The following ARMH3 variants were observed in gnomAD, a reference collection of about 807,000 sequenced individuals.
ARMH3 encodes the protein armadillo-like helical domain-containing protein 3.
ARMH3 carries 60 observed loss-of-function variants against 99.1 expected under a neutral mutation model. The observed-to-expected ratio is 0.61, with a 90% CI of 0.49 to 0.75. The LOEUF (loss-of-function observed/expected upper bound fraction) is 0.75, where lower values mean the gene tolerates loss of function less well. ARMH3 is among the 30% of genes least tolerant of loss of function. The pLI is 0.00. For synonymous variants in ARMH3, 285 were observed against 292.8 expected, an observed-to-expected ratio of 0.97 and a Z score of 0.27; for missense variants, 679 against 843.1, an observed-to-expected ratio of 0.81 and a Z score of 2.41.
intron 22 of ARMH3, among the ~76,000 whole-genome samples, chr10:101,954,664 A>G (rs777591671): frequency 1.3e-5 from 2 of 152,224 alleles, no homozygotes; most frequent in Non-Finnish European, 2.9e-5. Context: ...TTTTTGCCAT[A>G]TATGTAAATT....
chr10:101,934,674 T>C (rs1202111477), intron 23 of ARMH3, among the ~76,000 whole-genome samples: 3 of 152,208 alleles, frequency 2.0e-5, no homozygotes, highest in African/African-American at 7.2e-5. Context: ...AACTCGGTCC[T>C]AATAAAATGC....
chr10:102,054,002 C>A (rs1275882156), intron 1 of ARMH3, among the ~76,000 whole-genome samples: 1 of 152,128 alleles, frequency 6.6e-6, no homozygotes, highest in Non-Finnish European at 1.5e-5. Flanking sequence ...GCCATTTTCC[C>A]CAAATGTTAC....
At chr10:101,967,629 C>T (rs575985034) in intron 20 of ARMH3, among the ~76,000 whole-genome samples, 5 of 152,124 alleles carry the variant, frequency 3.3e-5, no homozygotes, top group Admixed American at 2.0e-4. Flanking sequence ...CCCAGCTACT[C>T]GGGAGGCTGA....
At chr10:101,918,011 G>A (rs557028255) in intron 23 of ARMH3, among the ~76,000 whole-genome samples, 1 of 152,164 alleles carries the variant, frequency 6.6e-6, no homozygotes, top group African/African-American at 2.4e-5. Context: ...TTTCAATTGA[G>A]CCAAGAATCT....
intron 23 of ARMH3, among the ~76,000 whole-genome samples, chr10:101,911,988 G>A (rs766230828): frequency 2.0e-4 from 31 of 151,998 alleles, no homozygotes; most frequent in African/African-American, 2.9e-4. Context: ...AGCTGAGATC[G>A]TGTATCTGCA....
At position 101,975,320 on chromosome 10, in the gene ARMH3, AAATG is replaced by A; in HGVS notation, c.1407-24_1407-21del. The A allele has an allele frequency of 6.3e-7, 1 of 1,595,368 alleles. No individual in the cohort carries two copies. The highest frequency in any genetic ancestry group is 2.2e-5 in the East Asian group (1 of 44,652). Reference sequence around the variant, plus strand: ...CAGCGTCTGTAACAGGGAAAGCAAAAAATGAGGGTAAGCCTGAGAATATAGTGCA... The same window carrying A: ...CAGCGTCTGTAACAGGGAAAGCAAAAAGGGTAAGCCTGAGAATATAGTGCA... On this transcript the variant is annotated intron_variant, in intron 19 of 25. Coordinates refer to ENST00000370033, the MANE Select transcript of ARMH3 (RefSeq NM_024541.3).
intron 17 of ARMH3, 141 bp downstream of exon 17, chr10:101,993,397 T>C (rs1170417111): frequency 1.9e-6 from 1 of 534,922 alleles, no homozygotes; most frequent in Non-Finnish European, 3.3e-6. Flanking sequence ...CAAGCATGGG[T>C]CTGTTGAACA....
chr10:102,049,906 T>C (rs1049976109), intron 1 of ARMH3, among the ~76,000 whole-genome samples: 1 of 151,934 alleles, frequency 6.6e-6, no homozygotes, highest in Non-Finnish European at 1.5e-5. Context: ...GTAACACAAC[T>C]AGTAAGTGAT....
At chr10:102,010,605 T>C (rs920953235) in intron 11 of ARMH3, among the ~76,000 whole-genome samples, 7 of 152,184 alleles carry the variant, frequency 4.6e-5, no homozygotes, top group Admixed American at 4.6e-4. Flanking sequence ...GCCTCTAATG[T>C]GTATGATATC....
At chr10:101,989,264 T>C (rs1002363959) in intron 19 of ARMH3, among the ~76,000 whole-genome samples, 1 of 152,178 alleles carries the variant, frequency 6.6e-6, no homozygotes, top group Non-Finnish European at 1.5e-5. Context: ...CTAGGTGTAA[T>C]GGCACACACC....
Position 102,005,380 on chromosome 10 carries a change from CAAAA to C in ARMH3, c.1048+1156_1048+1159del, listed in dbSNP as rs11344018. On this transcript the variant is annotated intron_variant, in intron 14 of 25. Coordinates refer to ENST00000370033, the MANE Select transcript of ARMH3 (RefSeq NM_024541.3). ...CCTAAATGACAGCAAGACTCTGTCT[CAAAA>C]AAAAAAAAAAAAAAAAAAAGATATT... Among the ~76,000 whole-genome samples, 3 of 64,898 alleles carry C rather than the reference CAAAA, an allele frequency of 4.6e-5. No individual in the cohort carries two copies. In the East Asian group the frequency reaches 1.3e-3, roughly 29 times the overall value. 42.6% of individuals were successfully genotyped at this position (64,898 alleles called of 152,430 possible).
At chr10:102,014,103 A>G in intron 8 of ARMH3, 79 bp from the exon 9 acceptor site, 1 of 1,180,966 alleles carries the variant, frequency 8.5e-7, no homozygotes, top group South Asian at 1.4e-5. Flanking sequence ...AGTGTTAACA[A>G]AAATGCTTCC....
At chr10:101,936,363 G>A (rs953087684) in intron 23 of ARMH3, among the ~76,000 whole-genome samples, 6 of 151,444 alleles carry the variant, frequency 4.0e-5, no homozygotes, top group South Asian at 2.1e-4. Context: ...ATAGTGGTGC[G>A]TGCCTGTAAT....
intron 19 of ARMH3, among the ~76,000 whole-genome samples, chr10:101,985,150 T>C (rs186720025): frequency 3.4e-4 from 51 of 149,846 alleles, no homozygotes; most frequent in Non-Finnish European, 4.4e-4. Context: ...CATATATAAA[T>C]ATAATGTATA....
intron 23 of ARMH3, among the ~76,000 whole-genome samples, chr10:101,893,180 A>C (rs2067734103): frequency 6.6e-6 from 1 of 152,214 alleles, no homozygotes; most frequent in Admixed American, 6.5e-5. Flanking sequence ...TTTAAAGTTC[A>C]CTCAGGGTGG....
intron 22 of ARMH3, among the ~76,000 whole-genome samples, chr10:101,943,027 AAAG>A (rs1844314667): frequency 6.6e-6 from 1 of 152,240 alleles, no homozygotes; most frequent in Admixed American, 6.5e-5. Context: ...GGAGGAAAAC[AAAG>A]AAGGTGAACC....
At chr10:101,985,190 GTGTGTATATATATACGTATA>G (rs1454596042) in intron 19 of ARMH3, among the ~76,000 whole-genome samples, 5 of 145,518 alleles carry the variant, frequency 3.4e-5, no homozygotes, top group African/African-American at 7.7e-5. Flanking sequence ...GAATATATAT[GTGTGTATATATATACGTATA>G]TATGTATATA....
chr10:101,956,901 T>C (rs1845065843), intron 21 of ARMH3, among the ~76,000 whole-genome samples, 178 bp from the exon 22 acceptor site: 1 of 152,172 alleles, frequency 6.6e-6, no homozygotes, highest in Non-Finnish European at 1.5e-5. Flanking sequence ...TATAAACTTA[T>C]AATTAAATAA....
intron 24 of ARMH3, among the ~76,000 whole-genome samples, chr10:101,878,651 C>A (rs1423266878): frequency 3.4e-5 from 5 of 147,826 alleles, no homozygotes; most frequent in African/African-American, 5.0e-5. Flanking sequence ...GAAAAAAAAA[C>A]AAAAAAAGAA....
Sources: allele counts gnomAD v4.1 joint callset (sites outside exome capture counted in the v4.1 genomes callset), GRCh38; gene constraint gnomAD v4.1.1; transcripts MANE v1.5; gene names NCBI Gene and HGNC (gene_info 2026-07-23, HGNC 2026-07-21).